The following EPB41L1 variants were observed in gnomAD, a reference collection of about 807,000 sequenced individuals.
EPB41L1 encodes the protein erythrocyte membrane protein band 4.1 like 1.
In EPB41L1, 29 loss-of-function variants were observed where a neutral mutation model predicts 97.8. That is an observed-to-expected ratio of 0.30 (90% CI 0.22 to 0.40). The LOEUF (loss-of-function observed/expected upper bound fraction) is 0.40. EPB41L1 is among the 10% of genes least tolerant of loss of function. EPB41L1 has a pLI of 1.00. For missense variants in EPB41L1, 812 were observed against 1,162.3 expected (o/e 0.70, Z 4.38); for synonymous variants, 383 against 459.2 (o/e 0.83, Z 2.12).
intron 2 of EPB41L1, among the ~76,000 whole-genome samples, chr20:36,136,594 T>G (rs1052636683): frequency 2.0e-5 from 3 of 151,754 alleles, no homozygotes; most frequent in African/African-American, 7.3e-5. Flanking sequence ...TCTTTCTTTT[T>G]TTTTTTTTAG....
chr20:36,226,757 G>A (rs566449854), intron 21 of EPB41L1, among the ~76,000 whole-genome samples: 1 of 152,310 alleles, frequency 6.6e-6, no homozygotes, highest in African/African-American at 2.4e-5. Flanking sequence ...AATAAACCAA[G>A]AAGAATAAAT....
intron 2 of EPB41L1, chr20:36,125,400 T>C (rs1395963083): frequency 1.4e-6 from 1 of 717,290 alleles, no homozygotes; most frequent in African/African-American, 1.7e-5. Flanking sequence ...CATTTCTGAT[T>C]CTGTTTCTTC....
intron 6 of EPB41L1, among the ~76,000 whole-genome samples, chr20:36,183,461 C>T (rs945797111): frequency 6.6e-6 from 1 of 152,220 alleles, no homozygotes; most frequent in Non-Finnish European, 1.5e-5. Flanking sequence ...GTGGCAGCAG[C>T]AAGATCTGAA....
chr20:36,226,875 C>T (rs947971669), intron 21 of EPB41L1, among the ~76,000 whole-genome samples: 1 of 152,040 alleles, frequency 6.6e-6, no homozygotes, highest in African/African-American at 2.4e-5. Context: ...ATAGGACAGC[C>T]ACTTCATTAA....
intron 1 of EPB41L1, among the ~76,000 whole-genome samples, chr20:36,104,102 G>T (rs1325579631): frequency 3.3e-5 from 5 of 152,196 alleles, no homozygotes; most frequent in Non-Finnish European, 7.3e-5. Flanking sequence ...GAGTTCCTTG[G>T]TCTCCAGGGT....
chr20:36,202,810 CAAAAAAAAAA>C (rs35492694), intron 14 of EPB41L1, among the ~76,000 whole-genome samples: 2 of 45,834 alleles, frequency 4.4e-5, no homozygotes, highest in Admixed American at 2.4e-4. Flanking sequence ...AACTCCGTCT[CAAAAAAAAAA>C]AAAAAAAAAA....
chr20:36,201,333 C>G (rs2062486104), intron 14 of EPB41L1, among the ~76,000 whole-genome samples: 2 of 152,276 alleles, frequency 1.3e-5, no homozygotes, highest in African/African-American at 2.4e-5. Flanking sequence ...GCCCTGACTT[C>G]TATGCTTAGG....
chr20:36,155,185 CTT>C (rs1429026873), intron 1 of EPB41L1: 2 of 456,716 alleles, frequency 4.4e-6, no homozygotes, highest in Non-Finnish European at 8.8e-6. Context: ...GGCCCAGTCT[CTT>C]TTCGGAGAGC....
rs562093118 is a variant in EPB41L1 at position 36,212,986 on chromosome 20, G to A, written c.2184+610G>A. On this transcript the variant is annotated intron_variant, in intron 16 of 21. Transcript: ENST00000338074. This position sits in a 1 kb window ranked among gnomAD's most constrained non-coding sequence, Gnocchi z 4.8. ...AGTCCATTCCCTGCACTCCTTCCAT[G>A]CTTTTTAAACTTAGGAAGTTAAGAT... Among the ~76,000 whole-genome samples, 4 of 152,214 alleles carry A rather than the reference G, an allele frequency of 2.6e-5. No individual in the cohort carries two copies. Among genetic ancestry groups the A allele is most frequent in the Non-Finnish European group, 4.4e-5 (3 of 68,044 alleles).
intron 14 of EPB41L1, among the ~76,000 whole-genome samples, chr20:36,204,933 G>T (rs184064434): frequency 2.6e-5 from 4 of 152,316 alleles, no homozygotes; most frequent in East Asian, 1.9e-4. Context: ...GAGCCACCGC[G>T]CTTGGCCTCT....
Position 36,212,120 on chromosome 20 carries a change from A to G in EPB41L1, c.2080-152A>G, listed in dbSNP as rs1354820026. The G allele has an allele frequency of 3.9e-6, 3 of 773,312 alleles. No homozygotes were observed. In the Admixed American group the frequency reaches 6.0e-5, roughly 16 times the overall value. The allele number at this position is 773,312 out of a possible 1,614,324, so 47.9% of individuals were successfully genotyped here. A position where few individuals can be genotyped will look rare whatever the true frequency, so the allele number is the denominator to read the frequency against. On this transcript the variant is annotated intron_variant, in intron 15 of 21. Coordinates refer to ENST00000338074, the MANE Select transcript of EPB41L1 (RefSeq NM_012156.2). The surrounding 1 kb of genome is among the most constrained non-coding windows in gnomAD (Gnocchi z 4.8). ...GGCTATCTGTCTATGATATCACACC[A>G]CAACTCTTTTACCCTGTCCAGAGTA...
At chr20:36,185,473 AAG>A in intron 7 of EPB41L1, 138 bp downstream of exon 7, 1 of 803,142 alleles carries the variant, frequency 1.2e-6, no homozygotes, top group Non-Finnish European at 2.1e-6. Context: ...AGGTATATCT[AAG>A]AGCAAATCAT....
chr20:36,206,816 C>T lies in EPB41L1; in HGVS notation c.1669-2672C>T, dbSNP rs2079579622. ...AGCGCAGCCCGAGAGGAAGGGACCC[C>T]CGTGAGTGGAGATTTGCTGGGAAAG... is the stretch of plus-strand genomic sequence containing the variant. On this transcript the variant is annotated intron_variant, in intron 14 of 21. Transcript: ENST00000338074. This position sits in a 1 kb window ranked among gnomAD's most constrained non-coding sequence, Gnocchi z 5.5. 1.6e-6 allele frequency: 2 copies of T among 1,289,724 alleles called. No homozygotes were observed. The highest frequency in any genetic ancestry group is 1.5e-5 in the African/African-American group (1 of 65,856). 79.9% of individuals were successfully genotyped at this position (1,289,724 alleles called of 1,614,324 possible).
rs1285664381 is a variant in EPB41L1, at chr20:36,194,253, G to T, written c.1342G>T (p.Ala448Ser). ...AGCCTCGGTCAGCGAGAACCATGAT[G>T]CAGGGCCTGACGGTGACAAGCGGGA... ...RPASVSENHD[A>S]GPDGDKRDED... The change falls in exon 12 of 22, where the codon GCA becomes TCA. Residue 448 changes from alanine to serine, a missense_variant. Coordinates refer to ENST00000338074, the MANE Select transcript of EPB41L1 (RefSeq NM_012156.2). 6.2e-7 allele frequency: 1 copy of T among 1,614,162 alleles called. No individual in the cohort carries two copies. The highest frequency in any genetic ancestry group is 8.5e-7 in the Non-Finnish European group (1 of 1,180,030).
At chr20:36,219,664 C>T in intron 18 of EPB41L1, 97 bp from the exon 19 acceptor site, 1 of 1,001,836 alleles carries the variant, frequency 1.0e-6, no homozygotes, top group East Asian at 2.4e-5. Flanking sequence ...TTCGAAACGT[C>T]ACCTTCACAG....
chr20:36,169,511 C>T (rs1440776818), intron 1 of EPB41L1, among the ~76,000 whole-genome samples: 1 of 152,140 alleles, frequency 6.6e-6, no homozygotes, highest in Non-Finnish European at 1.5e-5. Context: ...AGCAAGGCTC[C>T]CAGCTCCGTC....
At position 36,143,883 on chromosome 20, in the gene EPB41L1, C is replaced by T. The variant is rs565201479; in HGVS notation, c.-10+31403C>T. Among the ~76,000 whole-genome samples the T allele has an allele frequency of 2.6e-5, 4 of 151,212 alleles. No homozygotes were observed. The South Asian group carries it at 8.3e-4, about 32-fold the overall frequency. ...TTTTCTTTTTTTTGAGACAGTGTCT[C>T]GCTCTGTTGCCCAGGCTGGAGTGCA... On this transcript the variant is annotated intron_variant, in intron 2 of 19. Transcript: ENST00000202028.
intron 16 of EPB41L1, among the ~76,000 whole-genome samples, chr20:36,213,894 T>G (rs886985663): frequency 1.3e-5 from 2 of 152,232 alleles, no homozygotes; most frequent in Non-Finnish European, 2.9e-5. Flanking sequence ...AGATCACTCC[T>G]TGTTGGCATA....
At position 36,231,520 on chromosome 20, in the gene EPB41L1, C is replaced by G. The variant is rs1428529516; in HGVS notation, c.*2180C>G. On this transcript the variant is annotated 3_prime_UTR_variant, in exon 22 of 22. Coordinates refer to ENST00000338074, the MANE Select transcript of EPB41L1 (RefSeq NM_012156.2). ...CCATCTGAGAGCATCTCCCCACTCT[C>G]GCCAACCTATCGGGGCATAGCCCAG... 6.6e-6 allele frequency: 1 copy of G among 152,316 alleles called. No individual in the cohort carries two copies. The highest frequency in any genetic ancestry group is 1.5e-5 in the Non-Finnish European group (1 of 68,080). The allele number at this position is 152,316 out of a possible 1,614,324, so 9.4% of individuals were successfully genotyped here.
Sources: allele counts gnomAD v4.1 joint callset (sites outside exome capture counted in the v4.1 genomes callset), GRCh38; gene constraint gnomAD v4.1.1; non-coding constraint Gnocchi (gnomAD v3.1); transcripts MANE v1.5; gene names NCBI Gene and HGNC (gene_info 2026-07-23, HGNC 2026-07-21).